Variants in PRKCE observed in about 807,000 individuals in gnomAD.
PRKCE encodes protein kinase C epsilon type.
PRKCE carries 16 observed loss-of-function variants against 85.4 expected under a neutral mutation model. The observed-to-expected ratio is 0.19, with a 90% CI of 0.13 to 0.28. The LOEUF (loss-of-function observed/expected upper bound fraction) is 0.28. Among genes scored for constraint, PRKCE ranks in the 10% least tolerant of loss-of-function variants. PRKCE has a pLI of 1.00. For missense variants in PRKCE, 573 were observed against 975.2 expected, an observed-to-expected ratio of 0.59 and a Z score of 5.49; for synonymous variants, 388 against 371.5, an observed-to-expected ratio of 1.04 and a Z score of -0.51.
In PRKCE at chr2:46,116,933, C is replaced by G. The variant is rs373787654; in HGVS notation, c.1593-28160C>G. Among the ~76,000 whole-genome samples, 548 of 152,250 alleles carry G rather than the reference C, an allele frequency of 3.6e-3. 3 individuals carry two copies. The Middle Eastern group carries it at 0.037, about 10-fold the overall frequency. ...AATCTAAAGAATTGCAGGGTGGTTT[C>G]TCTTGCTATTGTTTGAAGGGAAGCC... is the stretch of plus-strand genomic sequence containing the variant. On this transcript the variant is annotated intron_variant, in intron 11 of 14. Coordinates refer to ENST00000306156, the MANE Select transcript of PRKCE (RefSeq NM_005400.3).
intron 10 of PRKCE, among the ~76,000 whole-genome samples, chr2:46,022,927 C>T (rs58488776): frequency 0.027 from 4,119 of 151,004 alleles, 181 homozygotes; most frequent in African/African-American, 0.094. Flanking sequence ...ACTAAAAATA[C>T]AAAAAATTAG....
intron 1 of PRKCE, among the ~76,000 whole-genome samples, chr2:45,808,908 T>C (rs1319070016): frequency 1.3e-5 from 2 of 152,112 alleles, no homozygotes; most frequent in Admixed American, 6.6e-5. Context: ...GAGCTATAGT[T>C]TGGGGGGTCT....
intron 1 of PRKCE, among the ~76,000 whole-genome samples, chr2:45,695,408 G>A (rs1678064312): frequency 6.6e-6 from 1 of 152,144 alleles, no homozygotes; most frequent in Non-Finnish European, 1.5e-5. Flanking sequence ...TTAGATAAAT[G>A]TACCACCACT....
chr2:45,874,703 T>C (rs926198424), intron 2 of PRKCE, among the ~76,000 whole-genome samples: 1 of 152,174 alleles, frequency 6.6e-6, no homozygotes, highest in Non-Finnish European at 1.5e-5. Context: ...TTCCTGGTGA[T>C]TGAAAAGCAG....
chr2:45,742,718 T>C (rs967606252), intron 1 of PRKCE, among the ~76,000 whole-genome samples: 6 of 152,234 alleles, frequency 3.9e-5, no homozygotes, highest in African/African-American at 1.2e-4. Context: ...ACAACCATTA[T>C]GAAAGACAGT....
rs146765733 is a variant in PRKCE, at chr2:46,054,492, A to G, written c.1438-31716A>G. Among the ~76,000 whole-genome samples the G allele has an allele frequency of 4.6e-5, 7 of 152,278 alleles. No homozygotes were observed. In the East Asian group the frequency reaches 9.6e-4, roughly 21 times the overall value. On this transcript the variant is annotated intron_variant, in intron 10 of 14. Coordinates refer to ENST00000306156, the MANE Select transcript of PRKCE (RefSeq NM_005400.3). ...ACTAGGAGTGCATCTCCACATATCTAAAGTGTTTGGTAGAGAAGAATTACA... is the reference window on the plus strand; with the variant it reads ...ACTAGGAGTGCATCTCCACATATCTGAAGTGTTTGGTAGAGAAGAATTACA...
intron 11 of PRKCE, among the ~76,000 whole-genome samples, chr2:46,112,666 C>T (rs545624810): frequency 1.3e-5 from 2 of 151,924 alleles, no homozygotes; most frequent in African/African-American, 2.4e-5. Context: ...ATTACAGGCA[C>T]GTGCCACCAT....
At chr2:45,709,306 T>G (rs370028116) in intron 1 of PRKCE, among the ~76,000 whole-genome samples, 3 of 152,248 alleles carry the variant, frequency 2.0e-5, no homozygotes, top group East Asian at 1.9e-4. Context: ...ACCCATGCAC[T>G]GGGTTCTCAG....
In PRKCE at chr2:45,933,023, A is replaced by T. The variant is rs368021448; in HGVS notation, c.413-43406A>T. On this transcript the variant is annotated intron_variant, in intron 2 of 14. Transcript: ENST00000306156. The stretch of plus-strand genomic sequence containing the variant: ...ATATACCACATTCTGTTTATCCACC[A>T]TTCTTTGATTTTATTCTGATTTTAA... Among the ~76,000 whole-genome samples the T allele has an allele frequency of 1.1e-3, 163 of 152,210 alleles. 5 individuals are homozygous for T. In the South Asian group the frequency reaches 0.033, roughly 31 times the overall value.
chr2:45,657,333 C>T (rs1675425271), intron 1 of PRKCE, among the ~76,000 whole-genome samples: 5 of 152,178 alleles, frequency 3.3e-5, no homozygotes, highest in Admixed American at 1.3e-4. Flanking sequence ...ACTTTCATGA[C>T]CTTTAGCGAG....
chr2:45,749,840 A>G (rs933470455), intron 1 of PRKCE, among the ~76,000 whole-genome samples: 13 of 152,206 alleles, frequency 8.5e-5, no homozygotes, highest in Admixed American at 7.8e-4. Context: ...CTACAGGAAG[A>G]CAGGACATAG....
At chr2:46,044,431 C>T (rs1708396790) in intron 10 of PRKCE, among the ~76,000 whole-genome samples, 1 of 152,084 alleles carries the variant, frequency 6.6e-6, no homozygotes, top group African/African-American at 2.4e-5. Context: ...GCTTTGGGGG[C>T]TTTGATTCAA....
chr2:46,067,659 T>C (rs1558415997), intron 10 of PRKCE, among the ~76,000 whole-genome samples: 2 of 152,214 alleles, frequency 1.3e-5, no homozygotes, highest in African/African-American at 4.8e-5. Flanking sequence ...TTGCATCTAG[T>C]AGATGCTCAC....
intron 1 of PRKCE, among the ~76,000 whole-genome samples, chr2:45,723,224 G>C (rs1320588333): frequency 2.6e-5 from 4 of 151,722 alleles, no homozygotes; most frequent in African/African-American, 9.7e-5. Flanking sequence ...TTTACACGTG[G>C]TTATTCTTCC....
intron 2 of PRKCE, among the ~76,000 whole-genome samples, chr2:45,883,371 C>T (rs1021825801): frequency 6.6e-6 from 1 of 152,226 alleles, no homozygotes; most frequent in Non-Finnish European, 1.5e-5. Context: ...TGGGTGAAGA[C>T]CCGAGGGAAG....
intron 1 of PRKCE, among the ~76,000 whole-genome samples, chr2:45,740,951 A>G (rs59884241): frequency 0.024 from 3,705 of 152,318 alleles, 156 homozygotes; most frequent in African/African-American, 0.084. Flanking sequence ...CATTGTAGAT[A>G]TTACATTTTC....
In PRKCE at chr2:45,889,414, C is replaced by A. The variant is rs761292565; in HGVS notation, c.412+46351C>A. On this transcript the variant is annotated intron_variant, in intron 2 of 14. Transcript: ENST00000306156. ...GAAGAGGGTGAGAGGACACCTTCAACGATGAACTTGTGTCTTATAGCAAAT... is the reference window on the plus strand; with the variant it reads ...GAAGAGGGTGAGAGGACACCTTCAAAGATGAACTTGTGTCTTATAGCAAAT... 4.6e-5 allele frequency among the ~76,000 whole-genome samples: 7 copies of A among 152,200 alleles called. No homozygotes were observed. In the East Asian group the frequency reaches 1.3e-3, roughly 29 times the overall value.
At chr2:46,023,319 C>T (rs572751789) in intron 10 of PRKCE, among the ~76,000 whole-genome samples, 1 of 152,276 alleles carries the variant, frequency 6.6e-6, no homozygotes, top group East Asian at 1.9e-4. Flanking sequence ...TCTGGGCACA[C>T]GTTGCCTGTA....
chr2:46,019,847 C>CTTTTTT (rs869079304), intron 10 of PRKCE, among the ~76,000 whole-genome samples: 30 of 105,894 alleles, frequency 2.8e-4, no homozygotes, highest in African/African-American at 1.1e-3. Context: ...TTGGTTTTCT[C>CTTTTTT]TTTTTTTTTT....
Sources: allele counts gnomAD v4.1 joint callset (sites outside exome capture counted in the v4.1 genomes callset), GRCh38; gene constraint gnomAD v4.1.1; transcripts MANE v1.5; gene names NCBI Gene and HGNC (gene_info 2026-07-23, HGNC 2026-07-21).